CENPC: variants seen among roughly 807,000 people sequenced by gnomAD.
The protein encoded by CENPC is centromere protein C.
A neutral mutation model predicts 112.1 loss-of-function variants in CENPC; 63 were observed. That is an observed-to-expected ratio of 0.56 (90% CI 0.46 to 0.69). The LOEUF (loss-of-function observed/expected upper bound fraction) is 0.69. CENPC is among the 30% of genes least tolerant of loss of function. The pLI is 0.00. For synonymous variants in CENPC, 333 were observed against 367.6 expected, an observed-to-expected ratio of 0.91 and a Z score of 1.08; for missense variants, 1,000 against 1,103.8, an observed-to-expected ratio of 0.91 and a Z score of 1.33.
At chr4:67,533,158 A>G (rs1578005595) in intron 4 of CENPC, among the ~76,000 whole-genome samples, 1 of 152,184 alleles carries the variant, frequency 6.6e-6, no homozygotes, top group Admixed American at 6.5e-5. Context: ...GAAGGCGCCC[A>G]GGGGGAGACA....
intron 17 of CENPC, among the ~76,000 whole-genome samples, chr4:67,482,006 A>T (rs998177892): frequency 6.6e-6 from 1 of 152,212 alleles, no homozygotes; most frequent in African/African-American, 2.4e-5. Flanking sequence ...AAATATTCAC[A>T]AACTGTCTGT....
At chr4:67,530,753 A>AT in intron 5 of CENPC, 62 bp downstream of exon 5, 1 of 772,758 alleles carries the variant, frequency 1.3e-6, no homozygotes, top group South Asian at 1.9e-5. Flanking sequence ...CACATGCACC[A>AT]TTAGCGTTTC....
At chr4:67,474,665 T>A in intron 18 of CENPC, 1 of 433,500 alleles carries the variant, frequency 2.3e-6, no homozygotes, top group Non-Finnish European at 4.1e-6. Context: ...GCCACTGCAC[T>A]CCAGCCTGGG....
In CENPC at chr4:67,499,276, C is replaced by T. The variant is rs142561381; in HGVS notation, c.2132-4064G>A. 2.3e-3 allele frequency among the ~76,000 whole-genome samples: 343 copies of T among 152,332 alleles called. 1 individual carries two copies. Among genetic ancestry groups the T allele is most frequent in the Admixed American group, 3.8e-3 (58 of 15,296 alleles). ...TGACCTTGGAAGCTTTGAAGTCATG[C>T]ATTGACTTCTCCTCAGCTATGAACG... On this transcript the variant is annotated intron_variant, in intron 12 of 18. Transcript: ENST00000273853.
chr4:67,502,474 A>C (rs1029662971), intron 12 of CENPC, among the ~76,000 whole-genome samples: 1 of 152,218 alleles, frequency 6.6e-6, no homozygotes, highest in Admixed American at 6.6e-5. Context: ...CAAAGTAAAA[A>C]GCATTTAACA....
At chr4:67,508,470 C>A (rs1725795891) in intron 10 of CENPC, among the ~76,000 whole-genome samples, 1 of 142,224 alleles carries the variant, frequency 7.0e-6, no homozygotes, top group African/African-American at 2.6e-5. Context: ...TATGATCACG[C>A]CACTGCACTC....
Position 67,471,484 on chromosome 4 carries a change from T to C in CENPC, c.*1121A>G, listed in dbSNP as rs990522067. The C allele has an allele frequency of 6.6e-6, 1 of 152,072 alleles. No homozygotes were observed. The highest frequency in any genetic ancestry group is 2.4e-5 in the African/African-American group (1 of 41,428). 9.4% of individuals were successfully genotyped at this position (152,072 alleles called of 1,614,324 possible). A position where few individuals can be genotyped will look rare whatever the true frequency, so the allele number is the denominator to read the frequency against. On this transcript the variant is annotated 3_prime_UTR_variant, in exon 19 of 19. Transcript: ENST00000273853. ...ATCTGTATGGGCCCAGATACTTGAT[T>C]AGTCAAGCCTTCAATAAGACTTCAT...
intron 14 of CENPC, 101 bp from the exon 15 acceptor site, chr4:67,493,098 A>G: frequency 1.1e-6 from 1 of 914,454 alleles, no homozygotes; most frequent in Non-Finnish European, 1.6e-6. Context: ...AAAGTACCAA[A>G]GAATATATGT....
chr4:67,527,586 A>G (rs1302407549), intron 5 of CENPC, among the ~76,000 whole-genome samples: 1 of 143,102 alleles, frequency 7.0e-6, no homozygotes, highest in Non-Finnish European at 1.5e-5. Context: ...TTGCAGCCTC[A>G]ACCTTTTGGG....
At position 67,530,807 on chromosome 4, in the gene CENPC, G is replaced by A; in HGVS notation, c.331+8C>T. 1 of 1,485,100 alleles carries A rather than the reference G, an allele frequency of 6.7e-7. No individual in the cohort carries two copies. The highest frequency in any genetic ancestry group is 9.2e-7 in the Non-Finnish European group (1 of 1,081,940). The allele number at this position is 1,485,100 out of a possible 1,614,324, so 92.0% of individuals were successfully genotyped here. Reference sequence around the variant, plus strand: ...CAAGCAAATAATGCCCATGGAGATGGCACCAACCTGATCTGTTTGTGGCTT... The same window carrying A: ...CAAGCAAATAATGCCCATGGAGATGACACCAACCTGATCTGTTTGTGGCTT... On this transcript the variant is annotated splice_region_variant and intron_variant, in intron 5 of 18. Coordinates refer to ENST00000273853, the MANE Select transcript of CENPC (RefSeq NM_001812.4).
In CENPC at chr4:67,490,101, T is replaced by C; in HGVS notation, c.2536A>G (p.Thr846Ala). The change falls in exon 17 of 19, where the codon ACA (threonine) becomes GCA (alanine). Residue 846 changes from threonine (T) to alanine (A), a missense_variant. Physicochemically the swap from Thr to Ala is moderately conservative, Grantham distance 58. Coordinates refer to ENST00000273853, the MANE Select transcript of CENPC (RefSeq NM_001812.4). ...CCATGCTTAACAAAAAATTGATATG[T>C]ATCTTGTGGCCTTACAAGATCTAGG... is the stretch of plus-strand genomic sequence containing the variant. ...ILMDLVRPQD[T>A]YQFFVKHGEL... 1 of 1,607,022 alleles carries C rather than the reference T, an allele frequency of 6.2e-7. No homozygotes were observed. Among genetic ancestry groups the C allele is most frequent in the Non-Finnish European group, 8.5e-7 (1 of 1,177,162 alleles).
At chr4:67,491,525 A>AGAGC (rs1438959933) in intron 16 of CENPC, among the ~76,000 whole-genome samples, 2 of 130,092 alleles carry the variant, frequency 1.5e-5, no homozygotes, top group Non-Finnish European at 3.3e-5. Context: ...AGAGAGAGAG[A>AGAGC]GAGCCTGGTT....
chr4:67,523,108 T>TGA (rs1402983656), intron 5 of CENPC, among the ~76,000 whole-genome samples: 1 of 152,062 alleles, frequency 6.6e-6, no homozygotes, highest in African/African-American at 2.4e-5. Flanking sequence ...GGTCAGGACT[T>TGA]TAAGACTGGC....
intron 17 of CENPC, among the ~76,000 whole-genome samples, chr4:67,480,395 A>T (rs1266135105): frequency 6.6e-6 from 1 of 152,244 alleles, no homozygotes; most frequent in Non-Finnish European, 1.5e-5. Flanking sequence ...TCAGACATTC[A>T]ATTTATCTAT....
rs143697611 is a variant in CENPC at position 67,478,926 on chromosome 4, T to C, written c.2671-3948A>G. Among the ~76,000 whole-genome samples, 590 of 152,282 alleles carry C rather than the reference T, an allele frequency of 3.9e-3. 5 individuals carry two copies. Among genetic ancestry groups the C allele is most frequent in the South Asian group, 0.017 (80 of 4,816 alleles). On this transcript the variant is annotated intron_variant, in intron 17 of 18. Transcript: ENST00000273853. ...AAAAGAGAGCAGGAGTAGCTATTCT[T>C]ATATCAGACAAAACAGACTTTAAAG...
At chr4:67,482,718 T>C (rs1478021903) in intron 17 of CENPC, among the ~76,000 whole-genome samples, 1 of 152,104 alleles carries the variant, frequency 6.6e-6, no homozygotes, top group Non-Finnish European at 1.5e-5. Context: ...GGCATAAGAA[T>C]GATACAATGG....
At chr4:67,473,098 T>C (rs1325934669) in intron 18 of CENPC, among the ~76,000 whole-genome samples, 2 of 152,118 alleles carry the variant, frequency 1.3e-5, no homozygotes, top group African/African-American at 4.8e-5. Flanking sequence ...TTTGTTTTTG[T>C]TTTTTCTTTT....
Position 67,545,503 on chromosome 4 carries a change from T to A in CENPC, c.-148A>T. Reference sequence around the variant, plus strand: ...AGTCTCAGGCGACTGCCGCGAGAGCTGCGATCCGGAAGGCGCGCGCTAACA... The same window carrying A: ...AGTCTCAGGCGACTGCCGCGAGAGCAGCGATCCGGAAGGCGCGCGCTAACA... On this transcript the variant is annotated 5_prime_UTR_variant, in exon 1 of 19. Coordinates refer to ENST00000273853, the MANE Select transcript of CENPC (RefSeq NM_001812.4). 1 of 729,196 alleles carries A rather than the reference T, an allele frequency of 1.4e-6. No homozygotes were observed. The highest frequency in any genetic ancestry group is 2.0e-6 in the Non-Finnish European group (1 of 503,624). The allele number at this position is 729,196 out of a possible 1,614,324, so 45.2% of individuals were successfully genotyped here. A position where few individuals can be genotyped will look rare whatever the true frequency, so the allele number is the denominator to read the frequency against.
In CENPC at chr4:67,495,086, TAA is replaced by T. The variant is rs1363579906; in HGVS notation, c.2185+71_2185+72del. ...CGTATTTCTCCTGCTTAAGAAGAAA[TAA>T]GTTATATTTAGAAACAGAAACTTAA... On this transcript the variant is annotated intron_variant, in intron 13 of 18. Coordinates refer to ENST00000273853, the MANE Select transcript of CENPC (RefSeq NM_001812.4). 9 of 1,309,346 alleles carry T rather than the reference TAA, an allele frequency of 6.9e-6. No individual in the cohort carries two copies. In the East Asian group the frequency reaches 1.9e-4, roughly 28 times the overall value. 81.1% of individuals were successfully genotyped at this position (1,309,346 alleles called of 1,614,324 possible). A position where few individuals can be genotyped will look rare whatever the true frequency, so the allele number is the denominator to read the frequency against.
Sources: allele counts gnomAD v4.1 joint callset (sites outside exome capture counted in the v4.1 genomes callset), GRCh38; gene constraint gnomAD v4.1.1; transcripts MANE v1.5; gene names NCBI Gene and HGNC (gene_info 2026-07-23, HGNC 2026-07-21).